GIGYF2: variants seen among roughly 807,000 people sequenced by gnomAD.
GIGYF2 encodes the protein GRB10 interacting GYF protein 2, also known as GRB10-interacting GYF protein 2.
A neutral mutation model predicts 208.1 loss-of-function variants in GIGYF2; 25 were observed. The ratio of observed to expected loss-of-function variants is 0.12; its 90% CI spans 0.09 to 0.17. The LOEUF is 0.17. Among genes scored for constraint, GIGYF2 ranks in the 10% least tolerant of loss-of-function variants. GIGYF2 has a pLI of 1.00. For missense variants in GIGYF2, 1,302 were observed against 1,579.4 expected (o/e 0.82, Z 2.98); for synonymous variants, 534 against 543.8 (o/e 0.98, Z 0.25).
intron 20 of GIGYF2, among the ~76,000 whole-genome samples, chr2:232,818,867 C>G (rs1700991362): frequency 6.6e-6 from 1 of 152,054 alleles, no homozygotes; most frequent in Non-Finnish European, 1.5e-5. Context: ...GGGTTGTTTC[C>G]AGTTCTTCAT....
intron 5 of GIGYF2, among the ~76,000 whole-genome samples, chr2:232,753,279 A>G (rs1181457234): frequency 6.6e-6 from 1 of 151,722 alleles, no homozygotes; most frequent in Non-Finnish European, 1.5e-5. Context: ...GCCCGCCACC[A>G]CGCCTGGCTA....
intron 5 of GIGYF2, among the ~76,000 whole-genome samples, chr2:232,750,420 GGCC>G (rs1698294897): frequency 6.6e-6 from 1 of 152,148 alleles, no homozygotes; most frequent in Non-Finnish European, 1.5e-5. Flanking sequence ...CTTTCCCAGA[GGCC>G]GCAAGTGTTA....
At chr2:232,778,240 A>G (rs1699595519) in intron 8 of GIGYF2, among the ~76,000 whole-genome samples, 1 of 152,168 alleles carries the variant, frequency 6.6e-6, no homozygotes, top group Non-Finnish European at 1.5e-5. Context: ...CTGGCCTGAG[A>G]ATACATATTA....
intron 3 of GIGYF2, among the ~76,000 whole-genome samples, chr2:232,738,368 A>G (rs1037140992): frequency 6.6e-6 from 1 of 152,230 alleles, no homozygotes; most frequent in Non-Finnish European, 1.5e-5. Context: ...ATAAAGCAAT[A>G]GTGTCTTTCT....
chr2:232,709,406 C>T (rs1486930322), intron 2 of GIGYF2, among the ~76,000 whole-genome samples: 2 of 152,186 alleles, frequency 1.3e-5, no homozygotes, highest in Non-Finnish European at 2.9e-5. Context: ...TTGCTGCAGC[C>T]TAGAACTCCT....
chr2:232,849,632 A>G (rs912998108), intron 27 of GIGYF2, among the ~76,000 whole-genome samples: 19 of 152,176 alleles, frequency 1.2e-4, no homozygotes, highest in African/African-American at 4.3e-4. Context: ...GTCCTTCCAC[A>G]GAGCTTTTTC....
intron 2 of GIGYF2, among the ~76,000 whole-genome samples, chr2:232,712,985 T>C (rs746693944): frequency 7.2e-5 from 11 of 152,206 alleles, no homozygotes; most frequent in Non-Finnish European, 1.0e-4. Flanking sequence ...CATCCAGTAC[T>C]ATAACTACTA....
rs564997950 is a variant in GIGYF2, at chr2:232,771,818, G to A, written c.532+10382G>A. Reference sequence around the variant, plus strand: ...AAGGGGTATGTTTAAATATGTAAGTGTTCTTCTGTGTAAATAATTAGAAGT... The same window carrying A: ...AAGGGGTATGTTTAAATATGTAAGTATTCTTCTGTGTAAATAATTAGAAGT... On this transcript the variant is annotated intron_variant, in intron 8 of 28. Coordinates refer to ENST00000373563, the MANE Select transcript of GIGYF2 (RefSeq NM_001103146.3). 2.6e-5 allele frequency among the ~76,000 whole-genome samples: 4 copies of A among 152,210 alleles called. No individual in the cohort carries two copies. In the East Asian group the frequency reaches 7.7e-4, roughly 29 times the overall value.
chr2:232,835,887 C>T (rs927281851), intron 22 of GIGYF2, among the ~76,000 whole-genome samples: 2 of 151,902 alleles, frequency 1.3e-5, no homozygotes, highest in Non-Finnish European at 2.9e-5. Flanking sequence ...CTGAGAATAT[C>T]CCTGGTGGTG....
At chr2:232,730,148 A>G in intron 2 of GIGYF2, 2 of 1,500,676 alleles carry the variant, frequency 1.3e-6, no homozygotes, top group Non-Finnish European at 1.8e-6. Flanking sequence ...CCGCCAGGTA[A>G]TTGTTGAGCA....
chr2:232,771,322 C>G (rs1699237184), intron 8 of GIGYF2: 1 of 1,612,220 alleles, frequency 6.2e-7, no homozygotes, highest in South Asian at 1.1e-5. Flanking sequence ...GTATCTTTGA[C>G]TTAGGAGAGG....
chr2:232,707,227 A>G (rs1308568817), intron 2 of GIGYF2, among the ~76,000 whole-genome samples: 3 of 152,166 alleles, frequency 2.0e-5, no homozygotes, highest in Admixed American at 1.3e-4. Flanking sequence ...TTCTTCGGGA[A>G]CAAAGCGCCT....
Position 232,844,457 on chromosome 2 carries a change from G to A in GIGYF2, c.3188G>A (p.Ser1063Asn), listed in dbSNP as rs775939655. 1.5e-5 allele frequency: 24 copies of A among 1,612,500 alleles called. No individual in the cohort carries two copies. Among genetic ancestry groups the A allele is most frequent in the African/African-American group, 2.7e-5 (2 of 74,896 alleles). ...AACCAGTGGGCATCTGACCTAGTCAGTAGTATTTGGAGTAATGCTGACACT... is the reference window on the plus strand; with the variant it reads ...AACCAGTGGGCATCTGACCTAGTCAATAGTATTTGGAGTAATGCTGACACT... The part of the protein sequence containing the change: ...PPNQWASDLV[S>N]SIWSNADTKN... The change falls in exon 25 of 29, where the codon AGT becomes AAT. Residue 1063 changes from serine (S) to asparagine (N), a missense_variant. Physicochemically the swap from Ser to Asn is conservative, Grantham distance 46 (BLOSUM62 1). Around this residue, in one of 8 missense-constraint regions of GIGYF2, gnomAD observed 701 missense variants for 793.0 expected, o/e 0.88. Coordinates refer to ENST00000373563, the MANE Select transcript of GIGYF2 (RefSeq NM_001103146.3).
In GIGYF2 at chr2:232,844,117, A is replaced by G. The variant is rs1333264752; in HGVS notation, c.2961A>G (p.Ser987=). 12 of 1,598,492 alleles carry G rather than the reference A, an allele frequency of 7.5e-6. No individual in the cohort carries two copies. The highest frequency in any genetic ancestry group is 9.4e-6 in the Non-Finnish European group (11 of 1,170,878). The stretch of plus-strand genomic sequence containing the variant: ...AGCAACAGCAACAGCAGAAACTCTC[A>G]GGTTGGGGGAATGTCAGCAAACCTT... The part of the protein sequence containing the change: ...QQQQQQQQKL[S]GWGNVSKPSG... The change falls in exon 24 of 29, where the codon TCA becomes TCG. Residue 987 remains serine, a synonymous_variant. Coordinates refer to ENST00000373563, the MANE Select transcript of GIGYF2 (RefSeq NM_001103146.3).
chr2:232,738,957 T>C (rs914919228), intron 3 of GIGYF2, among the ~76,000 whole-genome samples: 14 of 152,214 alleles, frequency 9.2e-5, no homozygotes, highest in Non-Finnish European at 4.4e-5. Context: ...GGTGCTAAAC[T>C]CCTTAGATTT....
At chr2:232,798,349 A>G (rs1027990181) in intron 14 of GIGYF2, among the ~76,000 whole-genome samples, 2 of 152,214 alleles carry the variant, frequency 1.3e-5, no homozygotes, top group Non-Finnish European at 2.9e-5. Flanking sequence ...TGGGGCTATA[A>G]TGAATAAAGC....
At chr2:232,841,983 C>T (rs113844726) in intron 23 of GIGYF2, among the ~76,000 whole-genome samples, 1,810 of 152,124 alleles carry the variant, frequency 0.012, 17 homozygotes, top group Non-Finnish European at 0.018. Context: ...CAGGTGTGTG[C>T]CACCATGCCT....
At chr2:232,814,300 C>A (rs914500078) in intron 18 of GIGYF2, among the ~76,000 whole-genome samples, 9 of 151,818 alleles carry the variant, frequency 5.9e-5, no homozygotes, top group Non-Finnish European at 1.3e-4. Context: ...TGGTGGCTCA[C>A]GCCTGTAATC....
At chr2:232,846,420 A>G (rs1432422401) in intron 26 of GIGYF2, among the ~76,000 whole-genome samples, 3 of 152,084 alleles carry the variant, frequency 2.0e-5, no homozygotes, top group East Asian at 1.9e-4. Flanking sequence ...GCTGTTTACA[A>G]ACAGAACTGT....
Sources: gnomAD v4.1 joint callset for allele counts (sites outside exome capture counted in the v4.1 genomes callset) on GRCh38, gnomAD v4.1.1 for gene constraint, gnomAD v4.1.1 regional missense constraint, MANE v1.5 for transcripts, NCBI Gene and HGNC (gene_info 2026-07-23, HGNC 2026-07-21) for gene names.